Variants in CLVS1 observed in about 807,000 individuals in gnomAD.
The protein encoded by CLVS1 is clavesin 1.
In CLVS1, 10 loss-of-function variants were observed where a neutral mutation model predicts 33.1. That is an observed-to-expected ratio of 0.30 (90% CI 0.19 to 0.51). The LOEUF (loss-of-function observed/expected upper bound fraction) is 0.51, where lower values mean the gene tolerates loss of function less well. CLVS1 is among the 20% of genes least tolerant of loss of function. The probability of loss-of-function intolerance (pLI) is 0.97; values close to 1 mark genes in which losing one functional copy is unlikely to be tolerated. For synonymous variants in CLVS1, 163 were observed against 166.1 expected (o/e 0.98, Z 0.14); for missense variants, 343 against 433.4 (o/e 0.79, Z 1.85).
intron 3 of CLVS1, among the ~76,000 whole-genome samples, chr8:61,409,716 A>G (rs543483082): frequency 6.6e-6 from 1 of 152,288 alleles, no homozygotes; most frequent in African/African-American, 2.4e-5. Context: ...GGGTAAGTCC[A>G]TGGTTGGGGG....
At chr8:61,072,399 T>A (rs1225927687) in intron 1 of CLVS1, among the ~76,000 whole-genome samples, 4 of 152,238 alleles carry the variant, frequency 2.6e-5, no homozygotes, top group Admixed American at 2.6e-4. Context: ...AGACCCCCTC[T>A]TATTTCTCTT....
intron 2 of CLVS1, among the ~76,000 whole-genome samples, chr8:61,326,069 T>C (rs991102628): frequency 6.6e-6 from 1 of 152,140 alleles, no homozygotes; most frequent in South Asian, 2.1e-4. Flanking sequence ...CCCCAGCCCA[T>C]AGAGATTTCC....
At chr8:61,214,193 C>G (rs1361160742) in intron 2 of CLVS1, among the ~76,000 whole-genome samples, 2 of 152,180 alleles carry the variant, frequency 1.3e-5, no homozygotes, top group African/African-American at 4.8e-5. Context: ...TCACCTCGGT[C>G]CTGTGGTCCT....
At chr8:61,162,306 T>C (rs111472860) in intron 2 of CLVS1, among the ~76,000 whole-genome samples, 2,405 of 152,364 alleles carry the variant, frequency 0.016, 24 homozygotes, top group Non-Finnish European at 0.025. Context: ...TAAATTTGTA[T>C]GCTTTTTCTC....
At chr8:61,442,236 T>G (rs1180356840) in intron 3 of CLVS1, among the ~76,000 whole-genome samples, 10 of 152,210 alleles carry the variant, frequency 6.6e-5, no homozygotes, top group Non-Finnish European at 4.4e-5. Context: ...CTCAGCAAAA[T>G]TCTCCAGAGA....
At chr8:61,049,713 T>C in the CLVS1 span, among the ~76,000 whole-genome samples, 1 of 152,208 alleles carries the variant, frequency 6.6e-6, no homozygotes, top group Non-Finnish European at 1.5e-5. Flanking sequence ...ATTTAAAGGA[T>C]CACTGATGAT....
chr8:61,280,558 G>A (rs1809649244), intron 2 of CLVS1, among the ~76,000 whole-genome samples: 1 of 152,172 alleles, frequency 6.6e-6, no homozygotes. Context: ...AATTTACATT[G>A]AAATTGAAAA....
chr8:61,262,576 G>A (rs866399343), intron 2 of CLVS1, among the ~76,000 whole-genome samples: 1 of 152,162 alleles, frequency 6.6e-6, no homozygotes, highest in Non-Finnish European at 1.5e-5. Context: ...TCTGAAAAGA[G>A]GAATTGTACC....
chr8:61,479,975 A>T (rs933494572), intron 5 of CLVS1, among the ~76,000 whole-genome samples: 1 of 152,186 alleles, frequency 6.6e-6, no homozygotes, highest in African/African-American at 2.4e-5. Context: ...CGGCCGTGTG[A>T]CGTGTCAGTC....
upstream of CLVS1, among the ~76,000 whole-genome samples, chr8:61,056,469 G>C (rs968198844): frequency 6.6e-6 from 1 of 152,304 alleles, no homozygotes; most frequent in African/African-American, 2.4e-5. Context: ...TCATTGGAAA[G>C]TGACAGGCTT....
intron 3 of CLVS1, among the ~76,000 whole-genome samples, chr8:61,448,383 T>C (rs1816831825): frequency 1.3e-5 from 2 of 152,134 alleles, no homozygotes; most frequent in Admixed American, 1.3e-4. Context: ...ACACAAATTT[T>C]AGATTTTTTT....
At chr8:61,042,888 T>A in the CLVS1 span, among the ~76,000 whole-genome samples, 1 of 152,202 alleles carries the variant, frequency 6.6e-6, no homozygotes, top group African/African-American at 2.4e-5. Context: ...TAAGGAAGGA[T>A]TCTGCAACAC....
chr8:61,174,846 C>G (rs564403121), intron 2 of CLVS1, among the ~76,000 whole-genome samples: 8 of 152,178 alleles, frequency 5.3e-5, no homozygotes, highest in African/African-American at 1.4e-4. Context: ...TTTTATCCCC[C>G]CCGTCAGCTT....
chr8:61,238,658 T>C (rs1306989981), intron 2 of CLVS1, among the ~76,000 whole-genome samples: 2 of 152,240 alleles, frequency 1.3e-5, no homozygotes, highest in African/African-American at 2.4e-5. Context: ...ACTCTGCCAA[T>C]TGGCATCATA....
chr8:61,033,946 A>G, the CLVS1 span, among the ~76,000 whole-genome samples: 1 of 152,222 alleles, frequency 6.6e-6, no homozygotes, highest in Non-Finnish European at 1.5e-5. Flanking sequence ...CTTGGTCATG[A>G]CATTGAGAAA....
intron 2 of CLVS1, among the ~76,000 whole-genome samples, chr8:61,345,009 C>G (rs558015157): frequency 6.6e-6 from 1 of 152,144 alleles, no homozygotes; most frequent in African/African-American, 2.4e-5. Context: ...ATGTGGATTT[C>G]GTTGGCTTGG....
chr8:61,062,663 C>T lies in CLVS1; in HGVS notation c.-243+5433C>T, dbSNP rs577209930. Among the ~76,000 whole-genome samples, 14 of 152,310 alleles carry T rather than the reference C, an allele frequency of 9.2e-5. No homozygotes were observed. The South Asian group carries it at 2.1e-3, about 23-fold the overall frequency. Reference sequence around the variant, plus strand: ...CTGGTTCTGGATGGAGTAGAGTTTACGGCAGAAACTTGAAAGTTGTGAAGT... The same window carrying T: ...CTGGTTCTGGATGGAGTAGAGTTTATGGCAGAAACTTGAAAGTTGTGAAGT... On this transcript the variant is annotated intron_variant, in intron 1 of 2. Transcript: ENST00000522621.
the CLVS1 span, among the ~76,000 whole-genome samples, chr8:61,017,677 G>A: frequency 6.6e-6 from 1 of 152,230 alleles, no homozygotes; most frequent in African/African-American, 2.4e-5. Context: ...CAGCTGAAAA[G>A]TATCCCCAGA....
intron 3 of CLVS1, among the ~76,000 whole-genome samples, chr8:61,390,665 C>T (rs766142037): frequency 4.6e-5 from 7 of 152,098 alleles, no homozygotes; most frequent in Non-Finnish European, 1.0e-4. Context: ...ATTTGCCATA[C>T]GTCTATTAAA....
Sources: allele counts gnomAD v4.1 joint callset (sites outside exome capture counted in the v4.1 genomes callset), GRCh38; gene constraint gnomAD v4.1.1; transcripts MANE v1.5; gene names NCBI Gene and HGNC (gene_info 2026-07-23, HGNC 2026-07-21).